CADM2: variants seen among roughly 807,000 people sequenced by gnomAD.
CADM2 encodes immunoglobulin superfamily member 4D.
A neutral mutation model predicts 49.8 loss-of-function variants in CADM2; 12 were observed. The observed-to-expected ratio is 0.24, with a 90% CI of 0.15 to 0.39. CADM2 has a LOEUF of 0.39. CADM2 is among the 10% of genes least tolerant of loss of function. The pLI is 1.00. For missense variants in CADM2, 378 were observed against 492.3 expected (o/e 0.77, Z 2.20); for synonymous variants, 214 against 175.4 (o/e 1.22, Z -1.74).
intron 8 of CADM2, among the ~76,000 whole-genome samples, chr3:86,033,656 C>G (rs1734804363): frequency 7.4e-6 from 1 of 134,998 alleles, no homozygotes; most frequent in African/African-American, 2.6e-5. Flanking sequence ...CACTTCATTT[C>G]AAGTTTATAT....
intron 5 of CADM2, among the ~76,000 whole-genome samples, chr3:85,897,911 T>C (rs1039397213): frequency 6.6e-6 from 1 of 152,220 alleles, no homozygotes; most frequent in Non-Finnish European, 1.5e-5. Context: ...ATTTAAAATA[T>C]CATTATTTAA....
chr3:85,477,205 T>G (rs1160330774), intron 1 of CADM2, among the ~76,000 whole-genome samples: 1 of 144,174 alleles, frequency 6.9e-6, no homozygotes, highest in East Asian at 2.2e-4. Flanking sequence ...CTCCAAAATT[T>G]TAAAAGTTCA....
chr3:85,088,969 G>A (rs1279123634), intron 1 of CADM2, among the ~76,000 whole-genome samples: 2 of 152,026 alleles, frequency 1.3e-5, no homozygotes, highest in Non-Finnish European at 2.9e-5. Context: ...AAGTATATAA[G>A]ACACCTAGGG....
intron 1 of CADM2, among the ~76,000 whole-genome samples, chr3:85,496,076 G>C (rs1263692539): frequency 6.6e-6 from 1 of 151,994 alleles, no homozygotes; most frequent in Non-Finnish European, 1.5e-5. Context: ...TGGGTTCAGG[G>C]GTACACGTTC....
At chr3:85,580,823 A>T (rs919548430) in intron 1 of CADM2, among the ~76,000 whole-genome samples, 1 of 152,092 alleles carries the variant, frequency 6.6e-6, no homozygotes, top group Non-Finnish European at 1.5e-5. Flanking sequence ...TCATTTGTAT[A>T]TTTCACTTGT....
At chr3:85,166,010 G>C (rs1450777097) in intron 1 of CADM2, among the ~76,000 whole-genome samples, 3 of 151,418 alleles carry the variant, frequency 2.0e-5, no homozygotes, top group Non-Finnish European at 4.4e-5. Context: ...TTTCCCAACA[G>C]TTTTGTCAAG....
At chr3:85,583,127 T>C (rs1373295363) in intron 1 of CADM2, among the ~76,000 whole-genome samples, 1 of 152,120 alleles carries the variant, frequency 6.6e-6, no homozygotes, top group East Asian at 1.9e-4. Context: ...CTGAACTTCA[T>C]GACAACTGGC....
intron 3 of CADM2, among the ~76,000 whole-genome samples, chr3:85,828,489 G>A (rs575884978): frequency 1.8e-4 from 28 of 151,934 alleles, no homozygotes; most frequent in African/African-American, 4.8e-4. Context: ...CATATATTAC[G>A]TATGACCAGG....
At chr3:85,321,120 T>A (rs866447335) in intron 1 of CADM2, among the ~76,000 whole-genome samples, 1,821 of 8,204 alleles carry the variant, frequency 0.22, 46 homozygotes, top group African/African-American at 0.26. Context: ...ATATATATTT[T>A]TTTTTTTTTT....
At chr3:86,064,403 GC>G (rs1195936278) in intron 8 of CADM2, among the ~76,000 whole-genome samples, 1 of 152,078 alleles carries the variant, frequency 6.6e-6, no homozygotes, top group Non-Finnish European at 1.5e-5. Flanking sequence ...TTTTATGACT[GC>G]ATAGTATTCC....
chr3:85,072,752 C>A (rs1000454887), intron 1 of CADM2, among the ~76,000 whole-genome samples: 1 of 151,834 alleles, frequency 6.6e-6, no homozygotes, highest in East Asian at 1.9e-4. Context: ...ATTTTAAATT[C>A]TATTATAAGG....
intron 8 of CADM2, among the ~76,000 whole-genome samples, chr3:86,021,601 T>C (rs1460139712): frequency 1.3e-5 from 2 of 152,176 alleles, no homozygotes; most frequent in Non-Finnish European, 2.9e-5. Context: ...CTACTCACTG[T>C]AAAAATTTCT....
chr3:85,386,471 T>C (rs1425913636), intron 1 of CADM2, among the ~76,000 whole-genome samples: 3 of 152,088 alleles, frequency 2.0e-5, no homozygotes, highest in Non-Finnish European at 2.9e-5. Context: ...GAGTGACCAT[T>C]CCTAAACTAG....
intron 7 of CADM2, among the ~76,000 whole-genome samples, chr3:85,937,611 A>G (rs894978466): frequency 6.6e-6 from 1 of 151,866 alleles, no homozygotes; most frequent in Non-Finnish European, 1.5e-5. Flanking sequence ...TACTTTTGAA[A>G]AACTAGAATA....
chr3:85,323,783 G>A (rs78522134), intron 1 of CADM2, among the ~76,000 whole-genome samples: 4,601 of 152,208 alleles, frequency 0.03, 249 homozygotes, highest in African/African-American at 0.1. Flanking sequence ...GTCATACCTT[G>A]TTTTCTTTGC....
At chr3:85,223,701 C>T (rs938410497) in intron 1 of CADM2, among the ~76,000 whole-genome samples, 9 of 151,820 alleles carry the variant, frequency 5.9e-5, no homozygotes, top group Admixed American at 5.2e-4. Context: ...TTTGCTACAC[C>T]CATCAACTCG....
chr3:85,019,562 AC>A (rs2034406435), intron 1 of CADM2, among the ~76,000 whole-genome samples: 1 of 152,144 alleles, frequency 6.6e-6, no homozygotes, highest in Admixed American at 6.5e-5. Context: ...GGCCACTCTA[AC>A]TAACACTGTC....
intron 1 of CADM2, among the ~76,000 whole-genome samples, chr3:85,122,174 G>T (rs2107593585): frequency 6.6e-6 from 1 of 152,084 alleles, no homozygotes; most frequent in East Asian, 1.9e-4. Context: ...CAAATAAAAA[G>T]CCTTTTATTA....
chr3:85,603,586 T>A (rs1042453748), intron 1 of CADM2, among the ~76,000 whole-genome samples: 1 of 151,876 alleles, frequency 6.6e-6, no homozygotes, highest in Admixed American at 6.6e-5. Context: ...TATTCACTGC[T>A]GTTAGTCCCT....
Sources: gnomAD v4.1 joint callset for allele counts (sites outside exome capture counted in the v4.1 genomes callset) on GRCh38, gnomAD v4.1.1 for gene constraint, MANE v1.5 for transcripts, NCBI Gene and HGNC (gene_info 2026-07-23, HGNC 2026-07-21) for gene names.